Variants in HTR7 observed in about 807,000 individuals in gnomAD.
HTR7 encodes 5-hydroxytryptamine receptor 7, also known as 5-HT-7.
A neutral mutation model predicts 34.0 loss-of-function variants in HTR7; 16 were observed. The observed-to-expected ratio is 0.47, with a 90% CI of 0.32 to 0.71. The LOEUF is 0.71. Ranked by LOEUF, HTR7 falls within the 30% of genes least tolerant of loss-of-function variation. The pLI is 0.04. For synonymous variants in HTR7, 265 were observed against 260.2 expected, an observed-to-expected ratio of 1.02 and a Z score of -0.18; for missense variants, 504 against 625.5, an observed-to-expected ratio of 0.81 and a Z score of 2.07.
chr10:90,822,610 T>A (rs1277718456), intron 1 of HTR7, among the ~76,000 whole-genome samples: 4 of 152,170 alleles, frequency 2.6e-5, no homozygotes, highest in Non-Finnish European at 4.4e-5. Context: ...GGAAGGAATT[T>A]GAGTTGGTTG....
chr10:90,795,368 C>A (rs1016816449), intron 1 of HTR7, among the ~76,000 whole-genome samples: 1 of 152,050 alleles, frequency 6.6e-6, no homozygotes, highest in Non-Finnish European at 1.5e-5. Flanking sequence ...TTTATACGTA[C>A]GGAAAAAAAT....
At position 90,814,816 on chromosome 10, in the gene HTR7, C is replaced by G. The variant is rs921165420; in HGVS notation, c.539+42317G>C. 4.6e-5 allele frequency among the ~76,000 whole-genome samples: 7 copies of G among 152,298 alleles called. 1 individual carries two copies. The highest frequency in any genetic ancestry group is 4.1e-4 in the South Asian group (2 of 4,828). ...TCCCCAGCATTAAAGGGCCCCAAAC[C>G]TTTTTATTCCCTTTACCCTAGATTG... On this transcript the variant is annotated intron_variant, in intron 1 of 3. Transcript: ENST00000336152.
At chr10:90,844,726 CAAAAAAAAAAAAAAAAAAAAAA>C (rs71025328) in intron 1 of HTR7, among the ~76,000 whole-genome samples, 14 of 39,478 alleles carry the variant, frequency 3.5e-4, no homozygotes, top group Non-Finnish European at 4.5e-4. Flanking sequence ...GACTCCGTCT[CAAAAAAAAAAAAAAAAAAAAAA>C]AAAAAAAAAA....
intron 1 of HTR7, among the ~76,000 whole-genome samples, chr10:90,795,169 T>C (rs764786785): frequency 2.0e-5 from 3 of 152,246 alleles, no homozygotes; most frequent in Non-Finnish European, 4.4e-5. Context: ...TTTGGGTATA[T>C]ACCAGTAGTA....
At chr10:90,746,409 T>A (rs766622726) in intron 2 of HTR7, among the ~76,000 whole-genome samples, 25 of 152,192 alleles carry the variant, frequency 1.6e-4, no homozygotes, top group Non-Finnish European at 2.9e-4. Context: ...AATATAGCAG[T>A]GTTTCCTTGC....
At chr10:90,848,320 C>A (rs1195719708) in intron 1 of HTR7, among the ~76,000 whole-genome samples, 1 of 152,130 alleles carries the variant, frequency 6.6e-6, no homozygotes, top group Non-Finnish European at 1.5e-5. Context: ...CCTCAGCCTT[C>A]CAAAGTGCTG....
intron 1 of HTR7, among the ~76,000 whole-genome samples, chr10:90,805,451 G>A (rs961744737): frequency 3.3e-5 from 5 of 152,128 alleles, no homozygotes; most frequent in Admixed American, 6.5e-5. Context: ...CACCTAAACC[G>A]CTAGGAAGTT....
chr10:90,743,216 GCTGT>G (rs1272627485), intron 3 of HTR7, among the ~76,000 whole-genome samples: 2 of 152,156 alleles, frequency 1.3e-5, no homozygotes, highest in Admixed American at 1.3e-4. Context: ...CTGCCATTTG[GCTGT>G]CTTGCCTGCA....
chr10:90,773,116 T>C (rs1215206289), intron 1 of HTR7, among the ~76,000 whole-genome samples: 1 of 152,200 alleles, frequency 6.6e-6, no homozygotes, highest in Non-Finnish European at 1.5e-5. Flanking sequence ...TGGGAAAAAC[T>C]CAGAAACCCT....
chr10:90,805,938 A>C (rs558095078), intron 1 of HTR7, among the ~76,000 whole-genome samples: 2 of 152,244 alleles, frequency 1.3e-5, no homozygotes, highest in Non-Finnish European at 2.9e-5. Context: ...TAGTAATTTA[A>C]AATCTAGAGA....
At chr10:90,763,701 G>C (rs981779989) in intron 1 of HTR7, among the ~76,000 whole-genome samples, 2 of 152,138 alleles carry the variant, frequency 1.3e-5, no homozygotes, top group African/African-American at 4.8e-5. Flanking sequence ...CTACTTATGA[G>C]TGAGAACATG....
intron 3 of HTR7, among the ~76,000 whole-genome samples, chr10:90,742,916 C>T (rs1210789832): frequency 1.3e-5 from 2 of 152,190 alleles, no homozygotes; most frequent in African/African-American, 4.8e-5. Context: ...CTCCCTCAAA[C>T]CTAGGAAGGT....
chr10:90,854,808 C>T (rs149441542), intron 1 of HTR7, among the ~76,000 whole-genome samples: 1 of 152,214 alleles, frequency 6.6e-6, no homozygotes, highest in African/African-American at 2.4e-5. Context: ...CTGTAATGAG[C>T]ACAAAAGCAA....
chr10:90,824,483 G>C (rs771420780), intron 1 of HTR7, among the ~76,000 whole-genome samples: 2 of 152,110 alleles, frequency 1.3e-5, no homozygotes, highest in Non-Finnish European at 2.9e-5. Flanking sequence ...TTCCTTCTTG[G>C]GAAAAGCAGA....
intron 1 of HTR7, among the ~76,000 whole-genome samples, chr10:90,809,238 C>T (rs913056688): frequency 6.6e-6 from 1 of 152,224 alleles, no homozygotes; most frequent in African/African-American, 2.4e-5. Flanking sequence ...CCCTCTGCCA[C>T]CTGCCTAGCA....
At chr10:90,832,297 G>A (rs1846191468) in intron 1 of HTR7, among the ~76,000 whole-genome samples, 1 of 152,346 alleles carries the variant, frequency 6.6e-6, no homozygotes, top group South Asian at 2.1e-4. Context: ...CAGGCATGGT[G>A]GGATGCAGGT....
chr10:90,768,445 C>G lies in HTR7; in HGVS notation c.540-18851G>C, dbSNP rs148368529. Among the ~76,000 whole-genome samples the G allele has an allele frequency of 2.4e-3, 373 of 152,270 alleles. 4 individuals are homozygous for G. The highest frequency in any genetic ancestry group is 8.4e-3 in the African/African-American group (351 of 41,548). ...CAAATTCTGTTTCCATCCTCTTCAT[C>G]CCCCACCTCCAATATGTATCACTTT... On this transcript the variant is annotated intron_variant, in intron 1 of 3. Coordinates refer to ENST00000336152, the MANE Select transcript of HTR7 (RefSeq NM_019859.4).
chr10:90,786,552 G>A (rs762408378), intron 1 of HTR7, among the ~76,000 whole-genome samples: 2 of 152,108 alleles, frequency 1.3e-5, no homozygotes, highest in South Asian at 4.1e-4. Flanking sequence ...ACCTGACAGA[G>A]TTTAACTTCT....
Position 90,844,725 on chromosome 10 carries a change from T to TAA in HTR7, c.539+12407_539+12408insTT, listed in dbSNP as rs1564701422. Among the ~76,000 whole-genome samples, 32 of 27,796 alleles carry TAA rather than the reference T, an allele frequency of 1.2e-3. 9 individuals carry two copies. The highest frequency in any genetic ancestry group is 3.1e-3 in the African/African-American group (30 of 9,802). The allele number at this position is 27,796 out of a possible 152,430, so 18.2% of individuals were successfully genotyped here. Reference sequence around the variant, plus strand: ...CTGGGCAACAGAATGAGACTCCGTCTCAAAAAAAAAAAAAAAAAAAAAAAA... The same window carrying TAA: ...CTGGGCAACAGAATGAGACTCCGTCTAACAAAAAAAAAAAAAAAAAAAAAAAA... On this transcript the variant is annotated intron_variant, in intron 1 of 3. Transcript: ENST00000336152.
Sources: allele counts gnomAD v4.1 joint callset (sites outside exome capture counted in the v4.1 genomes callset), GRCh38; gene constraint gnomAD v4.1.1; transcripts MANE v1.5; gene names NCBI Gene and HGNC (gene_info 2026-07-23, HGNC 2026-07-21).